EIF3L: variants seen among roughly 807,000 people sequenced by gnomAD.
The protein encoded by EIF3L is eIEF associated protein HSPC021.
EIF3L carries 32 observed loss-of-function variants against 74.6 expected under a neutral mutation model. The observed-to-expected ratio is 0.43, with a 90% confidence interval of 0.32 to 0.58. EIF3L has a LOEUF of 0.58. Among genes scored for constraint, EIF3L ranks in the 20% least tolerant of loss-of-function variants. The probability of loss-of-function intolerance (pLI) is 0.06; values close to 1 mark genes in which losing one functional copy is unlikely to be tolerated. For synonymous variants in EIF3L, 256 were observed against 254.4 expected (o/e 1.01, Z -0.06); for missense variants, 474 against 707.8 (o/e 0.67, Z 3.75).
chr22:37,854,481 T>G (rs1925391455), intron 3 of EIF3L, among the ~76,000 whole-genome samples: 1 of 152,208 alleles, frequency 6.6e-6, no homozygotes, highest in Non-Finnish European at 1.5e-5. Flanking sequence ...GTTTTTTGTT[T>G]TTTGAGACAG....
intron 5 of EIF3L, 129 bp from the exon 6 acceptor site, chr22:37,862,840 T>G (rs1371096783): frequency 1.5e-6 from 1 of 675,948 alleles, no homozygotes; most frequent in Admixed American, 3.1e-5. Context: ...CACTTGCATA[T>G]TTACATAGTA....
At chr22:37,864,063 CAAAAA>C in intron 7 of EIF3L, among the ~76,000 whole-genome samples, 1 of 138,274 alleles carries the variant, frequency 7.2e-6, no homozygotes, top group Non-Finnish European at 1.6e-5. Context: ...GACTCCATCT[CAAAAA>C]AAAAAAAGAA....
chr22:37,857,423 G>A (rs1054516038), intron 4 of EIF3L, among the ~76,000 whole-genome samples: 2 of 150,454 alleles, frequency 1.3e-5, no homozygotes, highest in Non-Finnish European at 2.9e-5. Flanking sequence ...CTATGGACAT[G>A]GGATGTCTTT....
At chr22:37,866,274 C>G (rs1926145564) in intron 7 of EIF3L, among the ~76,000 whole-genome samples, 1 of 152,130 alleles carries the variant, frequency 6.6e-6, no homozygotes, top group African/African-American at 2.4e-5. Flanking sequence ...CTGACTTGCT[C>G]TTTTGCTGCA....
chr22:37,885,732 C>T (rs1927284731), intron 11 of EIF3L: 1 of 150,774 alleles, frequency 6.6e-6, no homozygotes, highest in African/African-American at 2.4e-5. Context: ...CAACCTCTCC[C>T]TCCTGGGATT....
At chr22:37,859,599 G>A (rs1266478540) in intron 5 of EIF3L, among the ~76,000 whole-genome samples, 1 of 151,434 alleles carries the variant, frequency 6.6e-6, no homozygotes. Flanking sequence ...AGCCAGGATG[G>A]TCTCCATCTC....
At position 37,888,642 on chromosome 22, in the gene EIF3L, C is replaced by T; in HGVS notation, c.*178C>T. The T allele has an allele frequency of 3.1e-6, 2 of 635,588 alleles. No individual in the cohort carries two copies. Among genetic ancestry groups the T allele is most frequent in the African/African-American group, 1.8e-5 (1 of 54,802 alleles). 39.4% of individuals were successfully genotyped at this position (635,588 alleles called of 1,614,324 possible). A position where few individuals can be genotyped will look rare whatever the true frequency, so the allele number is the denominator to read the frequency against. ...ATCTTTGGAGCCAGATTTGTCGTCT[C>T]ATTATTGTAGGAGAGAATTTGTGGG... On this transcript the variant is annotated 3_prime_UTR_variant, in exon 13 of 13. Transcript: ENST00000652021.
chr22:37,851,156 C>A, intron 2 of EIF3L, 124 bp from the exon 3 acceptor site: 1 of 683,194 alleles, frequency 1.5e-6, no homozygotes, highest in Non-Finnish European at 2.5e-6. Context: ...ATGTTTGTAT[C>A]TCTGAGTATT....
chr22:37,873,235 C>T (rs1052158638), intron 8 of EIF3L, among the ~76,000 whole-genome samples: 8 of 151,566 alleles, frequency 5.3e-5, no homozygotes, highest in Admixed American at 2.0e-4. Context: ...GTGATACGTC[C>T]GCCTCGGCCT....
chr22:37,883,995 C>T (rs1927193444), intron 11 of EIF3L: 1 of 152,240 alleles, frequency 6.6e-6, no homozygotes, highest in African/African-American at 2.4e-5. Context: ...CAACCATCTC[C>T]ACTGTCTAAT....
At chr22:37,874,656 C>A in intron 9 of EIF3L, 132 bp downstream of exon 9, 2 of 1,113,254 alleles carry the variant, frequency 1.8e-6, no homozygotes, top group Non-Finnish European at 1.2e-6. Context: ...AAAGTTGAGA[C>A]TAAAACTGGG....
intron 3 of EIF3L, chr22:37,851,698 C>G (rs1239041287): frequency 3.2e-5 from 15 of 466,014 alleles, no homozygotes; most frequent in South Asian, 8.3e-5. Context: ...CGGAGTGTCA[C>G]TCTGTCGCCC....
chr22:37,853,160 C>A (rs1478122316), intron 3 of EIF3L, among the ~76,000 whole-genome samples: 1 of 152,156 alleles, frequency 6.6e-6, no homozygotes, highest in East Asian at 1.9e-4. Context: ...CAGTTCTTGC[C>A]TCCTCACAAG....
chr22:37,879,802 CT>C (rs146526845), intron 11 of EIF3L: 316 of 140,178 alleles, frequency 2.3e-3, no homozygotes, highest in Middle Eastern at 7.3e-3. Context: ...CTGCACAAAG[CT>C]TTTTTTTTTT....
chr22:37,868,503 G>A (rs1926288842), intron 7 of EIF3L, among the ~76,000 whole-genome samples: 2 of 151,650 alleles, frequency 1.3e-5, no homozygotes, highest in Non-Finnish European at 2.9e-5. Flanking sequence ...ACCTAGGCTG[G>A]AGTGCAGTGG....
intron 6 of EIF3L, 56 bp from the exon 7 acceptor site, chr22:37,863,216 A>T: frequency 2.7e-6 from 4 of 1,459,866 alleles, no homozygotes; most frequent in Non-Finnish European, 3.8e-6. Context: ...TCTGCAGCCT[A>T]CAGAATGGGC....
intron 8 of EIF3L, among the ~76,000 whole-genome samples, chr22:37,872,890 A>G (rs1926548472): frequency 6.6e-6 from 1 of 151,780 alleles, no homozygotes; most frequent in Non-Finnish European, 1.5e-5. Flanking sequence ...CCAACCTTTG[A>G]ACTGTTTTAT....
chr22:37,876,057 G>C (rs750632380), intron 10 of EIF3L, 46 bp downstream of exon 10: 4 of 1,583,628 alleles, frequency 2.5e-6, no homozygotes, highest in Non-Finnish European at 3.4e-6. Flanking sequence ...TAATCAGGGG[G>C]ATCCTTGGCA....
intron 4 of EIF3L, among the ~76,000 whole-genome samples, chr22:37,857,733 C>T (rs1925611602): frequency 6.6e-6 from 1 of 151,894 alleles, no homozygotes; most frequent in South Asian, 2.1e-4. Context: ...GGTGTTTCAC[C>T]ATCTTGGCCA....
Sources: allele counts gnomAD v4.1 joint callset (sites outside exome capture counted in the v4.1 genomes callset), GRCh38; gene constraint gnomAD v4.1.1; transcripts MANE v1.5; gene names NCBI Gene and HGNC (gene_info 2026-07-23, HGNC 2026-07-21).